MPZL1: variants seen among roughly 807,000 people sequenced by gnomAD.
The protein encoded by MPZL1 is myelin protein zero-like protein 1.
In MPZL1, 16 loss-of-function variants were observed where a neutral mutation model predicts 29.3. The ratio of observed to expected loss-of-function variants is 0.55; its 90% CI spans 0.37 to 0.83. MPZL1 has a LOEUF of 0.83. Among genes scored for constraint, MPZL1 ranks in the 40% least tolerant of loss-of-function variants. MPZL1 has a pLI of 0.00. For synonymous variants in MPZL1, 143 were observed against 132.0 expected (o/e 1.08, Z -0.57); for missense variants, 279 against 332.9 (o/e 0.84, Z 1.26).
At chr1:167,742,574 C>G (rs1267232061) in intron 1 of MPZL1, among the ~76,000 whole-genome samples, 1 of 152,120 alleles carries the variant, frequency 6.6e-6, no homozygotes, top group Non-Finnish European at 1.5e-5. Flanking sequence ...AAGATTTTCT[C>G]TCACTCTGTG....
intron 1 of MPZL1, among the ~76,000 whole-genome samples, chr1:167,759,858 A>G (rs375656973): frequency 2.0e-5 from 3 of 152,308 alleles, no homozygotes; most frequent in African/African-American, 7.2e-5. Flanking sequence ...GGCTGCTGCA[A>G]CATATTTGAG....
At chr1:167,723,893 A>G (rs1006502011) in intron 1 of MPZL1, among the ~76,000 whole-genome samples, 9 of 152,204 alleles carry the variant, frequency 5.9e-5, no homozygotes, top group African/African-American at 2.2e-4. Context: ...TTTACAGGAT[A>G]GCTTCTAAAG....
At chr1:167,733,440 A>G (rs569465782) in intron 1 of MPZL1, among the ~76,000 whole-genome samples, 2 of 152,318 alleles carry the variant, frequency 1.3e-5, no homozygotes, top group East Asian at 1.9e-4. Flanking sequence ...TTTCACAGTC[A>G]TGTGGTGAAA....
At position 167,777,868 on chromosome 1, in the gene MPZL1, A is replaced by G. The variant is rs115039908; in HGVS notation, c.708+1702A>G. ...AATTAGTACCAGAATAAAGGATGCT[A>G]TGGACCCACCATAACAAAGCTTAAA... is the stretch of plus-strand genomic sequence containing the variant. On this transcript the variant is annotated intron_variant, in intron 5 of 5. Transcript: ENST00000359523. Among the ~76,000 whole-genome samples, 442 of 152,352 alleles carry G rather than the reference A, an allele frequency of 2.9e-3. 1 individual carries two copies. Among genetic ancestry groups the G allele is most frequent in the African/African-American group, 0.01 (418 of 41,582 alleles).
chr1:167,776,278 A>G (rs2101793465), intron 5 of MPZL1, 112 bp downstream of exon 5: 2 of 660,600 alleles, frequency 3.0e-6, no homozygotes, highest in Non-Finnish European at 4.9e-6. Flanking sequence ...AGACAGAGAC[A>G]GACAGACAGA....
At chr1:167,726,799 A>G (rs1201652286) in intron 1 of MPZL1, among the ~76,000 whole-genome samples, 1 of 152,360 alleles carries the variant, frequency 6.6e-6, no homozygotes, top group Admixed American at 6.5e-5. Context: ...GCTATGTGCA[A>G]AAGAACATAA....
chr1:167,791,025 C>T lies in MPZL1; in HGVS notation c.*3104C>T, dbSNP rs1661701211. 6.6e-6 allele frequency: 1 copy of T among 152,244 alleles called. No individual in the cohort carries two copies. The highest frequency in any genetic ancestry group is 1.5e-5 in the Non-Finnish European group (1 of 68,088). The allele number at this position is 152,244 out of a possible 1,614,324, so 9.4% of individuals were successfully genotyped here. A position where few individuals can be genotyped will look rare whatever the true frequency, so the allele number is the denominator to read the frequency against. ...TTGCTCTCTGACTTCCTTTAAGCCT[C>T]TGCTCAAATGTTACCTCCTCAGGGA... is the stretch of plus-strand genomic sequence containing the variant. On this transcript the variant is annotated 3_prime_UTR_variant, in exon 6 of 6. Transcript: ENST00000359523.
chr1:167,750,290 T>A (rs1660729757), intron 1 of MPZL1, among the ~76,000 whole-genome samples: 1 of 152,102 alleles, frequency 6.6e-6, no homozygotes, highest in Non-Finnish European at 1.5e-5. Context: ...AACCTCCGCC[T>A]CCAGGGTTCA....
At chr1:167,728,958 C>T (rs550393744) in intron 1 of MPZL1, among the ~76,000 whole-genome samples, 4 of 152,142 alleles carry the variant, frequency 2.6e-5, no homozygotes, top group South Asian at 4.2e-4. Context: ...GAGTTTATTA[C>T]GTGCATTTTA....
intron 1 of MPZL1, among the ~76,000 whole-genome samples, chr1:167,746,744 G>C (rs111666377): frequency 6.6e-6 from 1 of 152,090 alleles, no homozygotes; most frequent in Non-Finnish European, 1.5e-5. Context: ...TTTAGGAGTG[G>C]AACATGTGTT....
intron 1 of MPZL1, among the ~76,000 whole-genome samples, chr1:167,725,794 AT>A (rs1412357699): frequency 6.6e-5 from 10 of 151,426 alleles, no homozygotes; most frequent in Non-Finnish European, 1.0e-4. Flanking sequence ...TGATTTTTTT[AT>A]TTTTAGTAGA....
intron 1 of MPZL1, among the ~76,000 whole-genome samples, chr1:167,747,896 T>C (rs1343359270): frequency 6.6e-6 from 1 of 152,306 alleles, no homozygotes; most frequent in South Asian, 2.1e-4. Context: ...AAACCTTATA[T>C]CCATTAGGGC....
chr1:167,725,011 A>G (rs1660112341), intron 1 of MPZL1, among the ~76,000 whole-genome samples: 1 of 152,180 alleles, frequency 6.6e-6, no homozygotes, highest in Admixed American at 6.5e-5. Context: ...AATTCACTGA[A>G]TTTGGTAATT....
intron 1 of MPZL1, among the ~76,000 whole-genome samples, chr1:167,755,224 A>G (rs1558116833): frequency 6.6e-6 from 1 of 152,178 alleles, no homozygotes; most frequent in Non-Finnish European, 1.5e-5. Context: ...AGAGGAATAT[A>G]TTCTTATTGC....
chr1:167,723,057 G>A (rs1379974124), intron 1 of MPZL1, among the ~76,000 whole-genome samples: 1 of 152,222 alleles, frequency 6.6e-6, no homozygotes, highest in Non-Finnish European at 1.5e-5. Flanking sequence ...ATGGGAATTG[G>A]ATGACTTGTT....
chr1:167,765,069 G>A (rs1217212794), intron 1 of MPZL1: 1 of 152,234 alleles, frequency 6.6e-6, no homozygotes, highest in Non-Finnish European at 1.5e-5. Flanking sequence ...TGGTGGAGAC[G>A]TCACTATTCA....
intron 1 of MPZL1, among the ~76,000 whole-genome samples, chr1:167,749,718 C>T (rs964134383): frequency 2.0e-5 from 3 of 152,186 alleles, no homozygotes. Flanking sequence ...GATCTGGATA[C>T]CTTCAATAAG....
chr1:167,730,857 T>G (rs1212987384), intron 1 of MPZL1, among the ~76,000 whole-genome samples: 1 of 152,200 alleles, frequency 6.6e-6, no homozygotes, highest in East Asian at 1.9e-4. Context: ...TCTCCTCCCT[T>G]GTACCTCTTC....
At chr1:167,728,563 A>G (rs1476104881) in intron 1 of MPZL1, among the ~76,000 whole-genome samples, 2 of 151,502 alleles carry the variant, frequency 1.3e-5, no homozygotes, top group Non-Finnish European at 1.5e-5. Context: ...TCACTTAACA[A>G]TTTTTTCTTG....
Sources: gnomAD v4.1 joint callset for allele counts (sites outside exome capture counted in the v4.1 genomes callset) on GRCh38, gnomAD v4.1.1 for gene constraint, MANE v1.5 for transcripts, NCBI Gene and HGNC (gene_info 2026-07-23, HGNC 2026-07-21) for gene names.